RNF220: variants seen among roughly 807,000 people sequenced by gnomAD.
The protein encoded by RNF220 is ring finger protein 220.
In RNF220, 7 loss-of-function variants were observed where a neutral mutation model predicts 67.1. The ratio of observed to expected loss-of-function variants is 0.10; its 90% CI spans 0.06 to 0.20. The LOEUF (loss-of-function observed/expected upper bound fraction) is 0.20, where lower values mean the gene tolerates loss of function less well. Among genes scored for constraint, RNF220 ranks in the 10% least tolerant of loss-of-function variants. The pLI is 1.00. For synonymous variants in RNF220, 270 were observed against 283.2 expected, an observed-to-expected ratio of 0.95 and a Z score of 0.47; for missense variants, 565 against 740.3, an observed-to-expected ratio of 0.76 and a Z score of 2.75.
At chr1:44,439,574 G>A (rs1651347664) in intron 2 of RNF220, among the ~76,000 whole-genome samples, 1 of 151,886 alleles carries the variant, frequency 6.6e-6, no homozygotes, top group African/African-American at 2.4e-5. Context: ...TATGCCTTGT[G>A]GAGCAGGGCT....
In RNF220 at chr1:44,606,367, A is replaced by T. The variant is rs1274413150; in HGVS notation, c.626-7798A>T. Among the ~76,000 whole-genome samples the T allele has an allele frequency of 6.6e-6, 1 of 152,250 alleles. No homozygotes were observed. The highest frequency in any genetic ancestry group is 6.5e-5 in the Admixed American group (1 of 15,290). On this transcript the variant is annotated intron_variant, in intron 2 of 14. Coordinates refer to ENST00000361799, the MANE Select transcript of RNF220 (RefSeq NM_018150.4). This position sits in a 1 kb window ranked among gnomAD's most constrained non-coding sequence, Gnocchi z 4.2. Reference sequence around the variant, plus strand: ...CCCATACTCAGCAGAGGCGCCAATCATAGTTTTAAGAGAAGGAGGAAGGGA... The same window carrying T: ...CCCATACTCAGCAGAGGCGCCAATCTTAGTTTTAAGAGAAGGAGGAAGGGA...
intron 2 of RNF220, among the ~76,000 whole-genome samples, chr1:44,510,678 T>C (rs1368247253): frequency 1.3e-5 from 2 of 152,224 alleles, no homozygotes; most frequent in Non-Finnish European, 2.9e-5. Flanking sequence ...GGATGTAACG[T>C]ATCATGGTTT....
chr1:44,607,262 C>T (rs769937286), intron 2 of RNF220, among the ~76,000 whole-genome samples: 1 of 152,178 alleles, frequency 6.6e-6, no homozygotes, highest in Non-Finnish European at 1.5e-5. Flanking sequence ...AAATACAAGT[C>T]TGATATATCA....
chr1:44,635,057 T>C (rs1428804378), intron 6 of RNF220, among the ~76,000 whole-genome samples: 1 of 152,230 alleles, frequency 6.6e-6, no homozygotes, highest in Non-Finnish European at 1.5e-5. Flanking sequence ...TGCTAGGAGC[T>C]GTACCTCAGG....
intron 2 of RNF220, among the ~76,000 whole-genome samples, chr1:44,543,675 T>C (rs1019786969): frequency 3.9e-4 from 60 of 152,066 alleles, no homozygotes; most frequent in African/African-American, 1.4e-3. Context: ...ACAGGAAACA[T>C]TGCATCATGT....
At chr1:44,635,960 T>G (rs1275812074) in intron 7 of RNF220, 70 bp from the exon 8 acceptor site, 1 of 1,608,926 alleles carries the variant, frequency 6.2e-7, no homozygotes, top group Non-Finnish European at 8.5e-7. Flanking sequence ...GAGCTGTGCC[T>G]TCGTTGCAGA....
intron 2 of RNF220, among the ~76,000 whole-genome samples, chr1:44,427,505 A>G (rs1048976972): frequency 6.6e-6 from 1 of 152,154 alleles, no homozygotes; most frequent in Non-Finnish European, 1.5e-5. Context: ...GTCTTATTCT[A>G]AGATCTCTGT....
In RNF220 at chr1:44,591,520, G is replaced by A. The variant is rs543733528; in HGVS notation, c.626-22645G>A. ...AAGTGAGGTCAGTAATTCCAGCTAC[G>A]TCCGCCATGTCTAAGGATCCAACTG... On this transcript the variant is annotated intron_variant, in intron 2 of 14. Coordinates refer to ENST00000361799, the MANE Select transcript of RNF220 (RefSeq NM_018150.4). Among the ~76,000 whole-genome samples the A allele has an allele frequency of 9.5e-4, 145 of 152,278 alleles. 2 individuals are homozygous for A. Among genetic ancestry groups the A allele is most frequent in the African/African-American group, 3.1e-3 (130 of 41,564 alleles).
intron 1 of RNF220, among the ~76,000 whole-genome samples, chr1:44,406,093 C>G (rs1431227883): frequency 6.6e-6 from 1 of 152,168 alleles, no homozygotes; most frequent in East Asian, 1.9e-4. Flanking sequence ...AAGGGGCGAG[C>G]CGAATGAGAA....
chr1:44,590,901 C>T (rs1045427655), intron 2 of RNF220, among the ~76,000 whole-genome samples: 1 of 152,072 alleles, frequency 6.6e-6, no homozygotes, highest in Admixed American at 6.6e-5. Flanking sequence ...GAAGCTGAGC[C>T]CTGGAAGATA....
At chr1:44,420,687 C>T (rs780192131) in intron 2 of RNF220, among the ~76,000 whole-genome samples, 9 of 152,146 alleles carry the variant, frequency 5.9e-5, no homozygotes, top group South Asian at 2.1e-4. Context: ...TAAGTCCTGA[C>T]GTGTTAGCTT....
chr1:44,560,382 T>C (rs1272323799), intron 2 of RNF220, among the ~76,000 whole-genome samples: 3 of 152,204 alleles, frequency 2.0e-5, no homozygotes. Context: ...TTCATGGTCT[T>C]TCTTGCCATC....
At chr1:44,571,418 A>T (rs917535112) in intron 2 of RNF220, among the ~76,000 whole-genome samples, 2 of 152,294 alleles carry the variant, frequency 1.3e-5, no homozygotes, top group Admixed American at 1.3e-4. Flanking sequence ...CACTCTCAGC[A>T]TCTCCTTACC....
chr1:44,412,553 C>G lies in RNF220; in HGVS notation c.456C>G (p.His152Gln). 1.9e-6 allele frequency: 3 copies of G among 1,614,196 alleles called. No individual in the cohort carries two copies. The highest frequency in any genetic ancestry group is 2.5e-6 in the Non-Finnish European group (3 of 1,180,032). Reference sequence around the variant, plus strand: ...ACTGCCATGACACAGAGTCTCCCCACTTGCGCTTCTCAGATGCAGATGGCA... The same window carrying G: ...ACTGCCATGACACAGAGTCTCCCCAGTTGCGCTTCTCAGATGCAGATGGCA... ...LKNCHDTESP[H>Q]LRFSDADGKE... The change falls in exon 2 of 15, where the codon CAC becomes CAG. Residue 152 changes from histidine (H) to glutamine (Q), a missense_variant. Coordinates refer to ENST00000361799, the MANE Select transcript of RNF220 (RefSeq NM_018150.4). This position sits in a 1 kb window ranked among gnomAD's most constrained non-coding sequence, Gnocchi z 5.3.
chr1:44,567,926 G>C (rs1664146558), intron 2 of RNF220, among the ~76,000 whole-genome samples: 1 of 152,136 alleles, frequency 6.6e-6, no homozygotes, highest in South Asian at 2.1e-4. Flanking sequence ...GACTCCTGGA[G>C]GTTCCCATTG....
chr1:44,581,686 C>T (rs1224583941), intron 2 of RNF220, among the ~76,000 whole-genome samples: 1 of 152,126 alleles, frequency 6.6e-6, no homozygotes, highest in Non-Finnish European at 1.5e-5. Flanking sequence ...AGGCAAAGGA[C>T]ATGAGGGAAG....
chr1:44,531,283 C>T (rs1279368953), intron 2 of RNF220, among the ~76,000 whole-genome samples: 1 of 152,230 alleles, frequency 6.6e-6, no homozygotes, highest in African/African-American at 2.4e-5. Flanking sequence ...TCTCATGCAG[C>T]TCATCTTCCC....
At chr1:44,597,496 ACACACACACAC>A (rs1236300952) in intron 2 of RNF220, among the ~76,000 whole-genome samples, 2 of 150,114 alleles carry the variant, frequency 1.3e-5, no homozygotes, top group African/African-American at 4.9e-5. Flanking sequence ...ACACACACAC[ACACACACACAC>A]ACACGAACCT....
At chr1:44,647,961 C>T (rs1209990390) in intron 12 of RNF220, among the ~76,000 whole-genome samples, 3 of 152,232 alleles carry the variant, frequency 2.0e-5, no homozygotes, top group Non-Finnish European at 4.4e-5. Flanking sequence ...CTGCTGTCCA[C>T]GAGATAAACT....
Sources: allele counts gnomAD v4.1 joint callset (sites outside exome capture counted in the v4.1 genomes callset), GRCh38; gene constraint gnomAD v4.1.1; non-coding constraint Gnocchi (gnomAD v3.1); transcripts MANE v1.5; gene names NCBI Gene and HGNC (gene_info 2026-07-23, HGNC 2026-07-21).